PIAS1: variants seen among roughly 807,000 people sequenced by gnomAD.
The protein encoded by PIAS1 is protein inhibitor of activated STAT 1.
In PIAS1, 6 loss-of-function variants were observed where a neutral mutation model predicts 71.3. The ratio of observed to expected loss-of-function variants is 0.08; its 90% CI spans 0.05 to 0.17. The LOEUF (loss-of-function observed/expected upper bound fraction) is 0.17, where lower values mean the gene tolerates loss of function less well. PIAS1 is among the 10% of genes least tolerant of loss of function. The pLI is 1.00. For synonymous variants in PIAS1, 303 were observed against 292.9 expected (o/e 1.03, Z -0.35); for missense variants, 555 against 793.6 (o/e 0.70, Z 3.61).
intron 2 of PIAS1, among the ~76,000 whole-genome samples, chr15:68,090,348 A>G (rs899776908): frequency 6.6e-6 from 1 of 152,050 alleles, no homozygotes; most frequent in East Asian, 1.9e-4. Flanking sequence ...GACCACAGGC[A>G]TGCACCACCA....
At chr15:68,177,278 C>CAAAAAAAAAAAAAAA (rs3083984) in intron 11 of PIAS1, among the ~76,000 whole-genome samples, 37 of 90,850 alleles carry the variant, frequency 4.1e-4, no homozygotes, top group East Asian at 2.5e-3. Flanking sequence ...GACTTTGTCT[C>CAAAAAAAAAAAAAAA]AAAAAAAAAA....
chr15:68,154,639 G>A (rs541884930), intron 7 of PIAS1, among the ~76,000 whole-genome samples: 2 of 152,304 alleles, frequency 1.3e-5, no homozygotes, highest in South Asian at 4.1e-4. Flanking sequence ...CACTACCCCT[G>A]AATATCAATA....
chr15:68,182,672 C>A (rs920546298), intron 12 of PIAS1, among the ~76,000 whole-genome samples: 1 of 152,064 alleles, frequency 6.6e-6, no homozygotes. Flanking sequence ...CGCCTGCCTT[C>A]GCTTCCCAAA....
At chr15:68,065,586 GAGAAAAAAAAAAAAAA>G (rs957793225) in intron 1 of PIAS1, among the ~76,000 whole-genome samples, 1 of 109,120 alleles carries the variant, frequency 9.2e-6, no homozygotes, top group Admixed American at 9.6e-5. Context: ...ACCCTGTCTC[GAGAAAAAAAAAAAAAA>G]AGAAAAAATT....
chr15:68,106,351 C>CAAAAAAAAAA (rs11313083), intron 2 of PIAS1, among the ~76,000 whole-genome samples: 17 of 92,828 alleles, frequency 1.8e-4, no homozygotes, highest in East Asian at 6.6e-4. Flanking sequence ...ATGACCTTTG[C>CAAAAAAAAAA]AAAAAAAAAA....
In PIAS1 at chr15:68,166,924, C is replaced by T. The variant is rs547351962; in HGVS notation, c.1008+2120C>T. 2.0e-5 allele frequency among the ~76,000 whole-genome samples: 3 copies of T among 152,312 alleles called. No homozygotes were observed. The South Asian group carries it at 6.2e-4, about 32-fold the overall frequency. ...CACTGCAGCCTCCACCTCCCAGGTT[C>T]ATGCAGTGCTCCTGCTTCAACCCCC... On this transcript the variant is annotated intron_variant, in intron 8 of 13. Coordinates refer to ENST00000249636, the MANE Select transcript of PIAS1 (RefSeq NM_016166.3).
At chr15:68,112,677 C>A (rs1330054487) in intron 2 of PIAS1, among the ~76,000 whole-genome samples, 1 of 152,094 alleles carries the variant, frequency 6.6e-6, no homozygotes, top group East Asian at 1.9e-4. Context: ...AAATTTAAGA[C>A]AATAAGATGT....
Position 68,173,412 on chromosome 15 carries a change from A to C in PIAS1, c.1009-320A>C, listed in dbSNP as rs1273924499. Among the ~76,000 whole-genome samples, 2 of 151,712 alleles carry C rather than the reference A, an allele frequency of 1.3e-5. No homozygotes were observed. The highest frequency in any genetic ancestry group is 2.9e-5 in the Non-Finnish European group (2 of 67,964). ...GAAAGCACTCTCTCCAGAAAAATGC[A>C]CACACGAAATTTTGAATGTAATTCA... On this transcript the variant is annotated intron_variant, in intron 8 of 13. Transcript: ENST00000249636. This position sits in a 1 kb window ranked among gnomAD's most constrained non-coding sequence, Gnocchi z 4.3.
chr15:68,144,050 C>G (rs577452603), intron 4 of PIAS1, among the ~76,000 whole-genome samples: 1 of 149,560 alleles, frequency 6.7e-6, no homozygotes, highest in East Asian at 2.0e-4. Context: ...GATAGATGAG[C>G]TATAATTCAG....
At chr15:68,132,051 G>C (rs893357044) in intron 2 of PIAS1, among the ~76,000 whole-genome samples, 1 of 132,124 alleles carries the variant, frequency 7.6e-6, no homozygotes. Context: ...AAAAAAAAAA[G>C]AAAAGAAAAG....
At chr15:68,080,803 G>T (rs1191561878) in intron 1 of PIAS1, among the ~76,000 whole-genome samples, 1 of 152,190 alleles carries the variant, frequency 6.6e-6, no homozygotes, top group Non-Finnish European at 1.5e-5. Flanking sequence ...TATTTTGTCT[G>T]TCTTTGGAAT....
chr15:68,172,591 T>G (rs1043683893), intron 8 of PIAS1, among the ~76,000 whole-genome samples: 30 of 152,332 alleles, frequency 2.0e-4, no homozygotes, highest in African/African-American at 6.7e-4. Flanking sequence ...GTTTATATTT[T>G]TCAAGTTCAC....
At chr15:68,102,033 G>A (rs1031203664) in intron 2 of PIAS1, among the ~76,000 whole-genome samples, 1 of 152,168 alleles carries the variant, frequency 6.6e-6, no homozygotes, top group African/African-American at 2.4e-5. Flanking sequence ...ACAGTGCCTA[G>A]CCAAGTCAAA....
Position 68,059,286 on chromosome 15 carries a change from C to T in PIAS1, c.24+4936C>T, listed in dbSNP as rs552807803. On this transcript the variant is annotated intron_variant, in intron 1 of 13. Coordinates refer to ENST00000249636, the MANE Select transcript of PIAS1 (RefSeq NM_016166.3). Reference sequence around the variant, plus strand: ...CCTCCCAAAGTGCTGAGATTACAGGCGTGAGCCACCACCGCGCCAGGCCCA... The same window carrying T: ...CCTCCCAAAGTGCTGAGATTACAGGTGTGAGCCACCACCGCGCCAGGCCCA... 1.4e-4 allele frequency among the ~76,000 whole-genome samples: 22 copies of T among 152,138 alleles called. No homozygotes were observed. The South Asian group carries it at 4.6e-3, about 32-fold the overall frequency.
At chr15:68,100,030 A>G (rs1292245910) in intron 2 of PIAS1, among the ~76,000 whole-genome samples, 1 of 151,360 alleles carries the variant, frequency 6.6e-6, no homozygotes. Context: ...CATATTGTAG[A>G]TACTAGTTTT....
At chr15:68,150,065 T>G (rs2092834753) in intron 6 of PIAS1, among the ~76,000 whole-genome samples, 1 of 152,206 alleles carries the variant, frequency 6.6e-6, no homozygotes, top group African/African-American at 2.4e-5. Context: ...TTGACATCTC[T>G]CAGGGTTATA....
Position 68,173,648 on chromosome 15 carries a change from C to T in PIAS1, c.1009-84C>T. On this transcript the variant is annotated intron_variant, in intron 8 of 13. Coordinates refer to ENST00000249636, the MANE Select transcript of PIAS1 (RefSeq NM_016166.3). This position sits in a 1 kb window ranked among gnomAD's most constrained non-coding sequence, Gnocchi z 4.3. Reference sequence around the variant, plus strand: ...TGTATGCTTTAAATCAGCATGCCTACCTGTTGTGTTCTAGGAAATTTTTGT... The same window carrying T: ...TGTATGCTTTAAATCAGCATGCCTATCTGTTGTGTTCTAGGAAATTTTTGT... 8.0e-6 allele frequency: 7 copies of T among 870,778 alleles called. No individual in the cohort carries two copies. Among genetic ancestry groups the T allele is most frequent in the Non-Finnish European group, 1.0e-5 (6 of 596,638 alleles). The allele number at this position is 870,778 out of a possible 1,614,324, so 53.9% of individuals were successfully genotyped here. A position where few individuals can be genotyped will look rare whatever the true frequency, so the allele number is the denominator to read the frequency against.
chr15:68,184,555 G>T (rs1325742954), intron 13 of PIAS1: 1 of 152,162 alleles, frequency 6.6e-6, no homozygotes, highest in Non-Finnish European at 1.5e-5. Flanking sequence ...TGCTAGCTCC[G>T]GGTGGTTTAA....
intron 1 of PIAS1, among the ~76,000 whole-genome samples, chr15:68,084,589 A>G (rs1021261328): frequency 6.6e-6 from 1 of 152,148 alleles, no homozygotes; most frequent in African/African-American, 2.4e-5. Flanking sequence ...GAATTTGAGC[A>G]TTTATTTGGA....
Sources: allele counts gnomAD v4.1 joint callset (sites outside exome capture counted in the v4.1 genomes callset), GRCh38; gene constraint gnomAD v4.1.1; non-coding constraint Gnocchi (gnomAD v3.1); transcripts MANE v1.5; gene names NCBI Gene and HGNC (gene_info 2026-07-23, HGNC 2026-07-21).